The following EYS variants were observed in gnomAD, a reference collection of about 807,000 sequenced individuals.
EYS encodes EGF-like photoreceptor maintenance factor.
Under a neutral mutation model 282.1 loss-of-function variants are expected in EYS, and 250 were observed. The observed-to-expected ratio is 0.89, with a 90% CI of 0.80 to 0.98. The LOEUF (loss-of-function observed/expected upper bound fraction) is 0.98, where lower values mean the gene tolerates loss of function less well. Ranked by LOEUF, EYS falls within the 50% of genes least tolerant of loss-of-function variation. EYS has a pLI of 0.00. For synonymous variants in EYS, 1,355 were observed against 1,282.9 expected, an observed-to-expected ratio of 1.06 and a Z score of -1.20; for missense variants, 4,016 against 3,709.0, an observed-to-expected ratio of 1.08 and a Z score of -2.15.
At chr6:65,592,615 C>T (rs989950648) in intron 2 of EYS, among the ~76,000 whole-genome samples, 8 of 151,900 alleles carry the variant, frequency 5.3e-5, no homozygotes, top group African/African-American at 1.9e-4. Flanking sequence ...CTCATTTAGA[C>T]ATGAGGAAAC....
chr6:65,156,967 A>G (rs1457966396), intron 12 of EYS, among the ~76,000 whole-genome samples: 1 of 151,000 alleles, frequency 6.6e-6, no homozygotes, highest in Non-Finnish European at 1.5e-5. Context: ...CAATTCTAAA[A>G]CAAAAAATAA....
intron 2 of EYS, among the ~76,000 whole-genome samples, chr6:65,570,271 C>T (rs1374173399): frequency 6.6e-6 from 1 of 152,074 alleles, no homozygotes; most frequent in Non-Finnish European, 1.5e-5. Flanking sequence ...GAAAGAAGAG[C>T]CTAGACCTTT....
At chr6:64,079,661 G>A (rs1262014536) in intron 32 of EYS, among the ~76,000 whole-genome samples, 1 of 152,008 alleles carries the variant, frequency 6.6e-6, no homozygotes, top group Non-Finnish European at 1.5e-5. Flanking sequence ...CCATGTTGGT[G>A]TGCTGCACCT....
intron 41 of EYS, among the ~76,000 whole-genome samples, chr6:63,751,901 C>G (rs1769348032): frequency 6.6e-6 from 1 of 152,180 alleles, no homozygotes; most frequent in Non-Finnish European, 1.5e-5. Context: ...TCTGAATGAT[C>G]TTTGGAAACC....
chr6:63,984,034 A>C (rs1263162111), intron 35 of EYS, among the ~76,000 whole-genome samples: 1 of 151,544 alleles, frequency 6.6e-6, no homozygotes, highest in Admixed American at 6.6e-5. Flanking sequence ...AAAAATTAAT[A>C]AATATATCAA....
intron 2 of EYS, among the ~76,000 whole-genome samples, chr6:65,506,238 A>C (rs1766648569): frequency 6.6e-6 from 1 of 151,936 alleles, no homozygotes; most frequent in Non-Finnish European, 1.5e-5. Flanking sequence ...GTTTCTTGTA[A>C]ATAGATTATA....
intron 31 of EYS, among the ~76,000 whole-genome samples, chr6:64,199,899 CA>C (rs1765409614): frequency 6.6e-6 from 1 of 152,066 alleles, no homozygotes; most frequent in Non-Finnish European, 1.5e-5. Context: ...GCAGGTTTTT[CA>C]TAATTGCCCA....
At chr6:65,086,581 G>A (rs1047128448) in intron 12 of EYS, among the ~76,000 whole-genome samples, 7 of 152,102 alleles carry the variant, frequency 4.6e-5, no homozygotes, top group Non-Finnish European at 1.0e-4. Context: ...AATAAGGATT[G>A]AATTGTTTTA....
intron 14 of EYS, among the ~76,000 whole-genome samples, chr6:64,948,681 C>T (rs1365379041): frequency 1.3e-5 from 2 of 149,602 alleles, no homozygotes; most frequent in Non-Finnish European, 3.0e-5. Flanking sequence ...TTTAAAAGCA[C>T]ATTTTCAGCC....
chr6:65,437,425 A>AT (rs1768117039), intron 5 of EYS, among the ~76,000 whole-genome samples: 1 of 152,084 alleles, frequency 6.6e-6, no homozygotes, highest in Non-Finnish European at 1.5e-5. Flanking sequence ...GAATTTTGGG[A>AT]TTTCTTCAGT....
At chr6:63,938,662 C>G (rs1052510143) in intron 35 of EYS, among the ~76,000 whole-genome samples, 27 of 152,192 alleles carry the variant, frequency 1.8e-4, no homozygotes, top group Admixed American at 6.5e-4. Flanking sequence ...CCCAGTGTGT[C>G]ACGTATGATT....
At chr6:65,368,668 A>G (rs571643291) in intron 8 of EYS, among the ~76,000 whole-genome samples, 1 of 151,746 alleles carries the variant, frequency 6.6e-6, no homozygotes, top group Admixed American at 6.7e-5. Flanking sequence ...TTAAATTATT[A>G]AAATATATCA....
At chr6:64,948,850 A>G (rs1319179233) in intron 14 of EYS, among the ~76,000 whole-genome samples, 1 of 151,790 alleles carries the variant, frequency 6.6e-6, no homozygotes, top group African/African-American at 2.4e-5. Flanking sequence ...TAGTTTGAAA[A>G]TATGCATGTG....
At chr6:65,641,218 G>A (rs1391706695) in intron 1 of EYS, among the ~76,000 whole-genome samples, 2 of 152,216 alleles carry the variant, frequency 1.3e-5, no homozygotes, top group South Asian at 2.1e-4. Context: ...GTGTTAGGCT[G>A]TAAGAACCAG....
chr6:64,722,357 T>C (rs776932585), intron 22 of EYS, among the ~76,000 whole-genome samples: 179 of 152,154 alleles, frequency 1.2e-3, no homozygotes, highest in Non-Finnish European at 2.1e-3. Flanking sequence ...AGCTGATACA[T>C]AGTTAATTTT....
chr6:63,820,012 A>G (rs572496651), intron 36 of EYS, among the ~76,000 whole-genome samples: 69 of 152,346 alleles, frequency 4.5e-4, no homozygotes, highest in African/African-American at 1.5e-3. Context: ...GAAAGTCCAC[A>G]TTGAGGCCTT....
intron 30 of EYS, among the ~76,000 whole-genome samples, chr6:64,302,126 C>T (rs540739181): frequency 4.6e-5 from 7 of 152,142 alleles, no homozygotes; most frequent in African/African-American, 1.4e-4. Context: ...GCTCACTGCC[C>T]GGTTTATTGG....
chr6:63,723,332 G>A (rs66882701), intron 42 of EYS, among the ~76,000 whole-genome samples: 21,875 of 151,990 alleles, frequency 0.14, 1,794 homozygotes, highest in African/African-American at 0.22. Context: ...ACCAAAAACT[G>A]GAACAAGTAA....
intron 31 of EYS, among the ~76,000 whole-genome samples, chr6:64,127,258 C>G (rs540734938): frequency 1.3e-5 from 2 of 152,262 alleles, no homozygotes; most frequent in South Asian, 4.1e-4. Flanking sequence ...AAGAATCTCA[C>G]TAATTTACTT....
Sources: allele counts gnomAD v4.1 joint callset (sites outside exome capture counted in the v4.1 genomes callset), GRCh38; gene constraint gnomAD v4.1.1; transcripts MANE v1.5; gene names NCBI Gene and HGNC (gene_info 2026-07-23, HGNC 2026-07-21).